EXOC4: variants seen among roughly 807,000 people sequenced by gnomAD.
The protein encoded by EXOC4 is exocyst complex component 4.
A neutral mutation model predicts 107.2 loss-of-function variants in EXOC4; 71 were observed. The ratio of observed to expected loss-of-function variants is 0.66; its 90% CI spans 0.55 to 0.81. EXOC4 has a LOEUF of 0.81. EXOC4 is among the 30% of genes least tolerant of loss of function. EXOC4 has a pLI of 0.00. For synonymous variants in EXOC4, 456 were observed against 441.2 expected (o/e 1.03, Z -0.42); for missense variants, 1,108 against 1,189.6 (o/e 0.93, Z 1.01).
Position 133,997,344 on chromosome 7 carries a change from T to A in EXOC4, c.2207-148T>A, listed in dbSNP as rs1046357207. 25 of 717,400 alleles carry A rather than the reference T, an allele frequency of 3.5e-5. No homozygotes were observed. The African/African-American group carries it at 4.3e-4, about 12-fold the overall frequency. The allele number at this position is 717,400 out of a possible 1,614,324, so 44.4% of individuals were successfully genotyped here. On this transcript the variant is annotated intron_variant, in intron 14 of 17. Coordinates refer to ENST00000253861, the MANE Select transcript of EXOC4 (RefSeq NM_021807.4). The stretch of plus-strand genomic sequence containing the variant: ...TTCTATGTGTAATCAAATATAGAAA[T>A]TGTCTATCATGTCTTGGACTTCTAA...
At chr7:133,391,332 A>C (rs1796848206) in intron 7 of EXOC4, among the ~76,000 whole-genome samples, 1 of 152,244 alleles carries the variant, frequency 6.6e-6, no homozygotes. Flanking sequence ...GATAAACGAC[A>C]GCACATTAAA....
intron 9 of EXOC4, among the ~76,000 whole-genome samples, chr7:133,500,486 G>T (rs192775204): frequency 3.3e-5 from 5 of 152,272 alleles, no homozygotes; most frequent in South Asian, 2.1e-4. Context: ...TCCTTTCACT[G>T]CTGAGTAGGA....
intron 7 of EXOC4, among the ~76,000 whole-genome samples, chr7:133,412,956 G>C (rs1449781107): frequency 6.6e-6 from 1 of 152,058 alleles, no homozygotes; most frequent in Non-Finnish European, 1.5e-5. Flanking sequence ...CTGGTGCTCA[G>C]TTCATGTTTA....
At chr7:133,650,185 G>A (rs1803105929) in intron 10 of EXOC4, among the ~76,000 whole-genome samples, 1 of 151,964 alleles carries the variant, frequency 6.6e-6, no homozygotes, top group African/African-American at 2.4e-5. Context: ...TCTCTCACAT[G>A]GCATGATTAG....
At chr7:133,319,111 GT>G (rs2150583885) in intron 5 of EXOC4, among the ~76,000 whole-genome samples, 1 of 152,208 alleles carries the variant, frequency 6.6e-6, no homozygotes, top group African/African-American at 2.4e-5. Context: ...GCTTAGCCTG[GT>G]TATATTAATT....
chr7:133,275,798 T>C (rs568963278), intron 2 of EXOC4, among the ~76,000 whole-genome samples: 48 of 152,162 alleles, frequency 3.2e-4, no homozygotes, highest in African/African-American at 1.1e-3. Flanking sequence ...ATGAAATGTT[T>C]ATGAGAACAA....
At chr7:133,429,151 G>C (rs959815588) in intron 7 of EXOC4, among the ~76,000 whole-genome samples, 1 of 152,078 alleles carries the variant, frequency 6.6e-6, no homozygotes, top group Non-Finnish European at 1.5e-5. Flanking sequence ...GTAAGTGAAA[G>C]GGCACTGAAA....
chr7:133,429,004 T>C (rs1797791269), intron 7 of EXOC4, among the ~76,000 whole-genome samples: 1 of 152,188 alleles, frequency 6.6e-6, no homozygotes, highest in South Asian at 2.1e-4. Context: ...TGTGGAAATA[T>C]TGATGCCTTG....
At chr7:133,942,811 C>A (rs1462918259) in intron 14 of EXOC4, among the ~76,000 whole-genome samples, 1 of 152,142 alleles carries the variant, frequency 6.6e-6, no homozygotes, top group Non-Finnish European at 1.5e-5. Context: ...TTTCTTGTGC[C>A]TAAACAGAAT....
chr7:133,412,893 G>A (rs1026593734), intron 7 of EXOC4, among the ~76,000 whole-genome samples: 5 of 151,984 alleles, frequency 3.3e-5, no homozygotes, highest in Non-Finnish European at 7.4e-5. Context: ...GTGGTTTAAT[G>A]GCAAACCTCT....
At chr7:133,715,497 A>C (rs1012777308) in intron 10 of EXOC4, among the ~76,000 whole-genome samples, 2 of 151,408 alleles carry the variant, frequency 1.3e-5, no homozygotes, top group Non-Finnish European at 2.9e-5. Context: ...TTTTTTTGGA[A>C]GGGGGAGAAA....
At chr7:133,385,207 G>A (rs2150707313) in intron 7 of EXOC4, among the ~76,000 whole-genome samples, 1 of 152,294 alleles carries the variant, frequency 6.6e-6, no homozygotes, top group African/African-American at 2.4e-5. Flanking sequence ...CGTCTACTGT[G>A]TTCTTTTGGT....
chr7:133,674,434 A>G (rs1333527704), intron 10 of EXOC4, among the ~76,000 whole-genome samples: 1 of 152,106 alleles, frequency 6.6e-6, no homozygotes, highest in Non-Finnish European at 1.5e-5. Flanking sequence ...CGATAATTAC[A>G]TTGTTTTAAG....
intron 7 of EXOC4, among the ~76,000 whole-genome samples, chr7:133,434,438 C>A (rs1425993035): frequency 6.6e-6 from 1 of 152,108 alleles, no homozygotes; most frequent in Non-Finnish European, 1.5e-5. Context: ...CATGATCTTT[C>A]CCTTTGCTCT....
At chr7:133,795,361 C>T (rs1796792737) in intron 10 of EXOC4, among the ~76,000 whole-genome samples, 1 of 152,132 alleles carries the variant, frequency 6.6e-6, no homozygotes, top group African/African-American at 2.4e-5. Context: ...GTCTTTGTGG[C>T]CTTTGGGAAT....
chr7:133,306,368 C>T (rs1794754404), intron 4 of EXOC4, among the ~76,000 whole-genome samples: 1 of 152,056 alleles, frequency 6.6e-6, no homozygotes, highest in Non-Finnish European at 1.5e-5. Context: ...TAGAAAAATT[C>T]TTAAATTGGA....
intron 7 of EXOC4, among the ~76,000 whole-genome samples, chr7:133,474,349 C>A (rs1203417326): frequency 1.3e-5 from 2 of 151,682 alleles, no homozygotes; most frequent in African/African-American, 4.8e-5. Context: ...GGAGTCTCAC[C>A]CTGTTGCCCA....
intron 7 of EXOC4, among the ~76,000 whole-genome samples, chr7:133,403,901 A>G (rs1446598705): frequency 6.6e-6 from 1 of 152,062 alleles, no homozygotes; most frequent in Non-Finnish European, 1.5e-5. Flanking sequence ...CTAAAGTCTA[A>G]CAGTTCTACC....
At chr7:133,290,109 A>C (rs1392496409) in intron 3 of EXOC4, among the ~76,000 whole-genome samples, 1 of 152,244 alleles carries the variant, frequency 6.6e-6, no homozygotes, top group Non-Finnish European at 1.5e-5. Flanking sequence ...TTGGTAACCA[A>C]GGAGTGAGAA....
Sources: allele counts gnomAD v4.1 joint callset (sites outside exome capture counted in the v4.1 genomes callset), GRCh38; gene constraint gnomAD v4.1.1; transcripts MANE v1.5; gene names NCBI Gene and HGNC (gene_info 2026-07-23, HGNC 2026-07-21).